CARD8: variants seen among roughly 807,000 people sequenced by gnomAD.
CARD8 encodes caspase recruitment domain-containing protein 8.
In CARD8, 38 loss-of-function variants were observed where a neutral mutation model predicts 53.2. The ratio of observed to expected loss-of-function variants is 0.71; its 90% confidence interval spans 0.55 to 0.94. The LOEUF is 0.94. CARD8 is among the 40% of genes least tolerant of loss of function. The pLI is 0.00. For synonymous variants in CARD8, 245 were observed against 244.9 expected (o/e 1.00, Z 0.00); for missense variants, 561 against 655.5 (o/e 0.86, Z 1.57).
intron 5 of CARD8, 178 bp downstream of exon 5, chr19:48,238,205 T>G: frequency 8.4e-7 from 1 of 1,195,572 alleles, no homozygotes; most frequent in East Asian, 2.8e-5. Context: ...TTTCCCTACT[T>G]CTTATGAGAT....
chr19:48,207,457 A>T (rs1331392585), downstream of CARD8, among the ~76,000 whole-genome samples: 1 of 151,238 alleles, frequency 6.6e-6, no homozygotes, highest in African/African-American at 2.4e-5. Flanking sequence ...CTTCTTAATA[A>T]ATGGAAGTTT....
chr19:48,225,909 C>T lies in CARD8; in HGVS notation c.1036-4054G>A, dbSNP rs529396912. On this transcript the variant is annotated intron_variant, in intron 10 of 13. Coordinates refer to ENST00000651546, the MANE Select transcript of CARD8 (RefSeq NM_001184900.3). The stretch of plus-strand genomic sequence containing the variant: ...CTCTACTAAAAATACGAAAATTAGC[C>T]GGGCATGGTGGCGTGCGCCTATAGT... Among the ~76,000 whole-genome samples the T allele has an allele frequency of 9.1e-4, 139 of 152,004 alleles. No homozygotes were observed. The Middle Eastern group carries it at 0.01, about 11-fold the overall frequency.
Position 48,218,864 on chromosome 19 carries a change from C to T in CARD8, c.1303+7G>A, listed in dbSNP as rs1225678572. The T allele has an allele frequency of 6.2e-7, 1 of 1,614,022 alleles. No homozygotes were observed. Among genetic ancestry groups the T allele is most frequent in the Non-Finnish European group, 8.5e-7 (1 of 1,179,904 alleles). ...TCTAAAAATGCCAGCCTCGCCCACTCACCTACCTGGCTTCACCTCAGTATC... is the reference window on the plus strand; with the variant it reads ...TCTAAAAATGCCAGCCTCGCCCACTTACCTACCTGGCTTCACCTCAGTATC... On this transcript the variant is annotated splice_region_variant and intron_variant, in intron 12 of 13. Transcript: ENST00000651546.
rs1205922251 is a variant in CARD8, at chr19:48,221,784, G to A, written c.1107C>T (p.Asn369=). 1 of 1,609,176 alleles carries A rather than the reference G, an allele frequency of 6.2e-7. No individual in the cohort carries two copies. The highest frequency in any genetic ancestry group is 8.5e-7 in the Non-Finnish European group (1 of 1,176,464). Residue 369 remains asparagine, a synonymous_variant, in exon 11 of 14, where the codon AAC becomes AAT. Transcript: ENST00000651546. ...LQTSPPMEPL[N]FGSSYIVSNS... ...TAGACACAATATAACTGGAACCAAA[G>A]TTCAGGGGTTCCATTGGGGGCGAAG...
chr19:48,210,976 C>A lies in CARD8; in HGVS notation c.*734G>T, dbSNP rs937465110. Reference sequence around the variant, plus strand: ...CCAGGAATGTCTGTCTCAGAATAAGCTGAATTACCCTCATTTTCTTTTTGG... The same window carrying A: ...CCAGGAATGTCTGTCTCAGAATAAGATGAATTACCCTCATTTTCTTTTTGG... On this transcript the variant is annotated 3_prime_UTR_variant, in exon 14 of 14. Coordinates refer to ENST00000651546, the MANE Select transcript of CARD8 (RefSeq NM_001184900.3). 1 of 152,342 alleles carries A rather than the reference C, an allele frequency of 6.6e-6. No homozygotes were observed. The highest frequency in any genetic ancestry group is 1.5e-5 in the Non-Finnish European group (1 of 68,032). 9.4% of individuals were successfully genotyped at this position (152,342 alleles called of 1,614,324 possible). A position where few individuals can be genotyped will look rare whatever the true frequency, so the allele number is the denominator to read the frequency against.
chr19:48,242,298 T>C (rs1224397643), intron 3 of CARD8, among the ~76,000 whole-genome samples: 1 of 152,150 alleles, frequency 6.6e-6, no homozygotes, highest in Non-Finnish European at 1.5e-5. Flanking sequence ...CAGCCGTCTA[T>C]GAACAAGGAA....
At chr19:48,234,343 T>C in intron 6 of CARD8, 60 bp downstream of exon 6, 3 of 1,511,152 alleles carry the variant, frequency 2.0e-6, no homozygotes, top group Non-Finnish European at 1.8e-6. Flanking sequence ...AATTCTCATG[T>C]TCCTCTGTGA....
chr19:48,249,988 C>CT (rs1778383667), intron 1 of CARD8, 141 bp from the exon 2 acceptor site: 1 of 87,254 alleles, frequency 1.1e-5, no homozygotes. Context: ...AATGACTTGG[C>CT]TGGGACAGTC....
At chr19:48,237,024 T>C (rs111812052) in intron 5 of CARD8, among the ~76,000 whole-genome samples, 6,066 of 152,010 alleles carry the variant, frequency 0.04, 388 homozygotes, top group African/African-American at 0.13. Context: ...GGTCCGCCCC[T>C]CTCAGCCTCC....
chr19:48,233,308 T>C (rs986540923), intron 6 of CARD8: 2 of 456,048 alleles, frequency 4.4e-6, no homozygotes, highest in South Asian at 1.5e-5. Context: ...TCAAATTCTC[T>C]GCCTTTGATC....
chr19:48,235,379 T>G (rs2043690514), intron 5 of CARD8, among the ~76,000 whole-genome samples: 1 of 152,178 alleles, frequency 6.6e-6, no homozygotes, highest in East Asian at 1.9e-4. Flanking sequence ...TCCTTTGAAG[T>G]AGCCATATTT....
intron 10 of CARD8, among the ~76,000 whole-genome samples, chr19:48,228,357 C>A (rs1373676331): frequency 1.3e-5 from 2 of 152,166 alleles, no homozygotes; most frequent in African/African-American, 4.8e-5. Context: ...TGGTCTTCTG[C>A]AAAACTACTT....
Position 48,210,114 on chromosome 19 carries a change from T to C in CARD8, c.*1596A>G, listed in dbSNP as rs1433663305. The C allele has an allele frequency of 1.3e-5, 2 of 151,464 alleles. No individual in the cohort carries two copies. The highest frequency in any genetic ancestry group is 2.9e-5 in the Non-Finnish European group (2 of 67,832). The allele number at this position is 151,464 out of a possible 1,614,324, so 9.4% of individuals were successfully genotyped here. ...AACTAAAGATAAATACCTTGAAATC[T>C]GACAGAAAAATGACACACTACATAC... On this transcript the variant is annotated 3_prime_UTR_variant, in exon 14 of 14. Coordinates refer to ENST00000651546, the MANE Select transcript of CARD8 (RefSeq NM_001184900.3).
chr19:48,252,550 A>G (rs1205825117), intron 1 of CARD8, among the ~76,000 whole-genome samples: 1 of 151,050 alleles, frequency 6.6e-6, no homozygotes, highest in East Asian at 1.9e-4. Context: ...TGGAGTATGC[A>G]GTGGTGTGAT....
At chr19:48,236,694 C>A (rs2043948956) in intron 5 of CARD8, among the ~76,000 whole-genome samples, 1 of 152,212 alleles carries the variant, frequency 6.6e-6, no homozygotes, top group Non-Finnish European at 1.5e-5. Context: ...GAAATAAAAT[C>A]TATACCTGAG....
intron 11 of CARD8, among the ~76,000 whole-genome samples, chr19:48,221,517 A>G (rs1600214183): frequency 1.3e-5 from 2 of 152,246 alleles, no homozygotes; most frequent in Non-Finnish European, 2.9e-5. Context: ...TTAACCTAAC[A>G]TAAGTATGTC....
intron 11 of CARD8, among the ~76,000 whole-genome samples, chr19:48,220,954 A>G (rs1440940199): frequency 0.019 from 1,966 of 101,294 alleles, 85 homozygotes; most frequent in East Asian, 0.073. Context: ...AAAGGAAAGG[A>G]AAGGAAGGAA....
intron 11 of CARD8, among the ~76,000 whole-genome samples, chr19:48,220,947 GGAAAGGAAAGGAA>G (rs1157921403): frequency 9.2e-6 from 1 of 108,568 alleles, no homozygotes; most frequent in Admixed American, 1.1e-4. Context: ...GGGAAAGAAA[GGAAAGGAAAGGAA>G]GGAAGGAAGG....
chr19:48,236,192 A>G (rs2043841408), intron 5 of CARD8, among the ~76,000 whole-genome samples: 1 of 152,102 alleles, frequency 6.6e-6, no homozygotes, highest in Admixed American at 6.6e-5. Context: ...GCTATCTGCC[A>G]TTGGTTTCAT....
Sources: gnomAD v4.1 joint callset for allele counts (sites outside exome capture counted in the v4.1 genomes callset) on GRCh38, gnomAD v4.1.1 for gene constraint, MANE v1.5 for transcripts, NCBI Gene and HGNC (gene_info 2026-07-23, HGNC 2026-07-21) for gene names.